Variants in RNF13 observed in about 807,000 individuals in gnomAD.
RNF13 encodes the protein E3 ubiquitin-protein ligase RNF13.
A neutral mutation model predicts 37.7 loss-of-function variants in RNF13; 19 were observed. The observed-to-expected ratio is 0.50, with a 90% confidence interval of 0.35 to 0.74. The LOEUF (loss-of-function observed/expected upper bound fraction) is 0.74. Ranked by LOEUF, RNF13 falls within the 30% of genes least tolerant of loss-of-function variation. The probability of loss-of-function intolerance (pLI) is 0.01; values close to 1 mark genes in which losing one functional copy is unlikely to be tolerated. For missense variants in RNF13, 375 were observed against 453.0 expected, an observed-to-expected ratio of 0.83 and a Z score of 1.56; for synonymous variants, 144 against 157.8, an observed-to-expected ratio of 0.91 and a Z score of 0.65.
intron 1 of RNF13, among the ~76,000 whole-genome samples, chr3:149,815,953 A>G (rs1186736027): frequency 1.3e-5 from 2 of 151,744 alleles, no homozygotes; most frequent in Non-Finnish European, 2.9e-5. Context: ...CCCAGGCTGG[A>G]GCAATTATGG....
intron 8 of RNF13, among the ~76,000 whole-genome samples, chr3:149,946,189 T>C (rs1720758633): frequency 6.6e-6 from 1 of 152,208 alleles, no homozygotes; most frequent in Admixed American, 6.5e-5. Context: ...GACAAATGGC[T>C]AACTAGAATA....
intron 4 of RNF13, among the ~76,000 whole-genome samples, chr3:149,886,870 T>G (rs2108473842): frequency 6.6e-6 from 1 of 152,374 alleles, no homozygotes; most frequent in South Asian, 2.1e-4. Context: ...TTGTTTTTGC[T>G]TTCATTCATC....
chr3:149,820,332 G>A (rs1406077025), intron 1 of RNF13, among the ~76,000 whole-genome samples: 1 of 151,764 alleles, frequency 6.6e-6, no homozygotes, highest in South Asian at 2.1e-4. Context: ...GATTACAGGC[G>A]TGAGTCACCA....
chr3:149,919,068 ACTTT>A (rs2108532234), intron 7 of RNF13, among the ~76,000 whole-genome samples: 1 of 152,026 alleles, frequency 6.6e-6, no homozygotes, highest in South Asian at 2.1e-4. Context: ...AATAACTTTT[ACTTT>A]CTTTTTCCTA....
intron 8 of RNF13, among the ~76,000 whole-genome samples, chr3:149,921,715 G>T (rs1718147650): frequency 1.3e-5 from 2 of 152,078 alleles, no homozygotes. Context: ...TGGACATTTG[G>T]GTTGGTTCCA....
At chr3:149,843,533 C>G (rs935403717) in intron 1 of RNF13, among the ~76,000 whole-genome samples, 3 of 152,218 alleles carry the variant, frequency 2.0e-5, no homozygotes, top group Non-Finnish European at 2.9e-5. Flanking sequence ...AAAAAACCCT[C>G]AAAACATGCT....
chr3:149,941,328 C>T (rs1479869479), intron 8 of RNF13, among the ~76,000 whole-genome samples: 1 of 152,108 alleles, frequency 6.6e-6, no homozygotes, highest in East Asian at 1.9e-4. Context: ...CACCAGTGCA[C>T]AAGGGCTCTC....
chr3:149,824,270 A>T (rs954733749), intron 1 of RNF13, among the ~76,000 whole-genome samples: 7 of 152,236 alleles, frequency 4.6e-5, no homozygotes, highest in Non-Finnish European at 1.5e-5. Context: ...AAAGATGTCC[A>T]TATCATAATA....
chr3:149,876,504 A>C (rs572437487), intron 4 of RNF13, among the ~76,000 whole-genome samples: 2 of 152,196 alleles, frequency 1.3e-5, no homozygotes, highest in Admixed American at 1.3e-4. Flanking sequence ...CAGATACAAA[A>C]CTTAACTGGG....
intron 2 of RNF13, among the ~76,000 whole-genome samples, chr3:149,850,623 T>C (rs1458812248): frequency 6.6e-6 from 1 of 152,244 alleles, no homozygotes; most frequent in Admixed American, 6.5e-5. Context: ...TACTTTAGTA[T>C]AGTTTGTAGA....
chr3:149,822,151 T>G (rs990279805), intron 1 of RNF13, among the ~76,000 whole-genome samples: 5 of 152,144 alleles, frequency 3.3e-5, no homozygotes, highest in Admixed American at 1.3e-4. Flanking sequence ...CCATATGAAT[T>G]TGAGAATCAG....
At chr3:149,844,287 A>C (rs1722436887) in intron 1 of RNF13, among the ~76,000 whole-genome samples, 1 of 152,216 alleles carries the variant, frequency 6.6e-6, no homozygotes, top group African/African-American at 2.4e-5. Flanking sequence ...CAGTGAGAAG[A>C]AAAGGCACAT....
intron 8 of RNF13, among the ~76,000 whole-genome samples, chr3:149,938,135 ATTG>A (rs1392722620): frequency 1.3e-5 from 2 of 151,546 alleles, no homozygotes; most frequent in African/African-American, 2.4e-5. Flanking sequence ...CACATTAAAT[ATTG>A]TTATATATAT....
intron 4 of RNF13, among the ~76,000 whole-genome samples, chr3:149,879,671 A>G (rs1713158081): frequency 6.6e-6 from 1 of 152,186 alleles, no homozygotes; most frequent in South Asian, 2.1e-4. Flanking sequence ...GCTGATCTTC[A>G]TAATGAGAAA....
At chr3:149,824,029 G>A (rs1401761823) in intron 1 of RNF13, among the ~76,000 whole-genome samples, 1 of 152,162 alleles carries the variant, frequency 6.6e-6, no homozygotes, top group Non-Finnish European at 1.5e-5. Flanking sequence ...CAGAAAACAA[G>A]GAGGTGCTCA....
chr3:149,943,166 T>C (rs1720434337), intron 8 of RNF13, among the ~76,000 whole-genome samples: 1 of 152,058 alleles, frequency 6.6e-6, no homozygotes, highest in Admixed American at 6.6e-5. Context: ...TGTCTCTCAT[T>C]TTGGTGTTAA....
At chr3:149,947,072 G>GT (rs1267656472) in intron 8 of RNF13, among the ~76,000 whole-genome samples, 2 of 151,974 alleles carry the variant, frequency 1.3e-5, no homozygotes, top group Admixed American at 6.6e-5. Flanking sequence ...GGATTTGCCT[G>GT]TTTTTTGTTT....
chr3:149,944,060 TGTTTG>T (rs146762792), intron 8 of RNF13, among the ~76,000 whole-genome samples: 4,033 of 151,928 alleles, frequency 0.027, 68 homozygotes, highest in South Asian at 0.037. Context: ...GAAGATGTGG[TGTTTG>T]GTTTTTTGTC....
At chr3:149,876,380 T>G (rs1448971918) in intron 4 of RNF13, among the ~76,000 whole-genome samples, 1 of 152,186 alleles carries the variant, frequency 6.6e-6, no homozygotes, top group Non-Finnish European at 1.5e-5. Flanking sequence ...CACACCCCCT[T>G]TTTTGTGGGC....
Sources: gnomAD v4.1 joint callset for allele counts (sites outside exome capture counted in the v4.1 genomes callset) on GRCh38, gnomAD v4.1.1 for gene constraint, MANE v1.5 for transcripts, NCBI Gene and HGNC (gene_info 2026-07-23, HGNC 2026-07-21) for gene names.